Variants in SLC4A4 observed in about 807,000 individuals in gnomAD.
The protein encoded by SLC4A4 is solute carrier family 4 member 4, also known as electrogenic sodium bicarbonate cotransporter 1.
A neutral mutation model predicts 111.5 loss-of-function variants in SLC4A4; 27 were observed. The ratio of observed to expected loss-of-function variants is 0.24; its 90% confidence interval spans 0.18 to 0.33. The LOEUF is 0.33. SLC4A4 is among the 10% of genes least tolerant of loss of function. The pLI is 1.00. For synonymous variants in SLC4A4, 443 were observed against 463.4 expected, an observed-to-expected ratio of 0.96 and a Z score of 0.57; for missense variants, 909 against 1,315.5, an observed-to-expected ratio of 0.69 and a Z score of 4.78.
At chr4:71,183,730 A>C (rs868768189), upstream of SLC4A4, among the ~76,000 whole-genome samples, 11 of 152,370 alleles carry the variant, frequency 7.2e-5, no homozygotes, top group Middle Eastern at 0.014. Flanking sequence ...GCAAACAACT[A>C]CAAGTCCAAA....
At chr4:71,181,549 G>A (rs984596125) in intron 2 of SLC4A4, among the ~76,000 whole-genome samples, 2 of 152,090 alleles carry the variant, frequency 1.3e-5, no homozygotes, top group Non-Finnish European at 2.9e-5. Context: ...GAAGAATGAT[G>A]TCATAAGGAA....
chr4:71,259,492 G>A (rs566201807), intron 3 of SLC4A4, among the ~76,000 whole-genome samples: 73 of 152,038 alleles, frequency 4.8e-4, no homozygotes, highest in African/African-American at 1.6e-3. Context: ...TGAGCCATGG[G>A]GAGAGAGAAG....
At chr4:71,494,712 T>C (rs1418886942) in intron 15 of SLC4A4, among the ~76,000 whole-genome samples, 1 of 151,952 alleles carries the variant, frequency 6.6e-6, no homozygotes, top group East Asian at 1.9e-4. Flanking sequence ...TGAGAACCAC[T>C]TGTAAGGGCT....
intron 3 of SLC4A4, among the ~76,000 whole-genome samples, chr4:71,338,460 G>A (rs1360204410): frequency 6.6e-6 from 1 of 151,926 alleles, no homozygotes; most frequent in African/African-American, 2.4e-5. Flanking sequence ...GTATTTGTGG[G>A]CCTTAAATTT....
At chr4:71,429,785 A>G (rs1026583270) in intron 7 of SLC4A4, among the ~76,000 whole-genome samples, 6 of 152,178 alleles carry the variant, frequency 3.9e-5, no homozygotes, top group Non-Finnish European at 5.9e-5. Flanking sequence ...AATCTATAAG[A>G]AAGGAATGTT....
intron 2 of SLC4A4, among the ~76,000 whole-genome samples, chr4:71,163,513 A>C (rs909745790): frequency 2.0e-5 from 3 of 152,244 alleles, no homozygotes; most frequent in Admixed American, 1.3e-4. Flanking sequence ...GACTTATCTC[A>C]GTCGGCTTCA....
intron 4 of SLC4A4, among the ~76,000 whole-genome samples, chr4:71,340,780 A>G (rs1728845810): frequency 6.6e-6 from 1 of 151,482 alleles, no homozygotes. Context: ...CATATTATAT[A>G]TGTATGGTAT....
At chr4:71,277,426 G>A (rs554059104) in intron 3 of SLC4A4, among the ~76,000 whole-genome samples, 1 of 152,024 alleles carries the variant, frequency 6.6e-6, no homozygotes, top group East Asian at 1.9e-4. Flanking sequence ...TGCCATCTGT[G>A]TATCCTCTTT....
chr4:71,571,833 G>A lies in SLC4A4; in HGVS notation c.*4082G>A, dbSNP rs2149266042. 6.6e-6 allele frequency: 1 copy of A among 152,252 alleles called. No individual in the cohort carries two copies. The highest frequency in any genetic ancestry group is 2.4e-5 in the African/African-American group (1 of 41,480). 9.4% of individuals were successfully genotyped at this position (152,252 alleles called of 1,614,324 possible). A position where few individuals can be genotyped will look rare whatever the true frequency, so the allele number is the denominator to read the frequency against. ...TATTAACTTTGGAGAGAGAAATGATGCATCTTTTTATTTTAAATGAAGTAG... is the reference window on the plus strand; with the variant it reads ...TATTAACTTTGGAGAGAGAAATGATACATCTTTTTATTTTAAATGAAGTAG... On this transcript the variant is annotated 3_prime_UTR_variant, in exon 26 of 26. Transcript: ENST00000264485.
chr4:71,547,687 T>C lies in SLC4A4; in HGVS notation c.2661T>C (p.Thr887=). The change falls in exon 20 of 26, where the codon ACT becomes ACC. Residue 887 remains threonine, a synonymous_variant. Transcript: ENST00000264485. ...CTGGAACCCTTGTGTTTATTCTGACTGGTCTGTCAGTCTTTATGGCTCCCA... is the reference window on the plus strand; with the variant it reads ...CTGGAACCCTTGTGTTTATTCTGACCGGTCTGTCAGTCTTTATGGCTCCCA... ...RVTGTLVFIL[T]GLSVFMAPIL... The C allele has an allele frequency of 1.2e-6, 2 of 1,612,006 alleles. No individual in the cohort carries two copies. Among genetic ancestry groups the C allele is most frequent in the Non-Finnish European group, 1.7e-6 (2 of 1,178,558 alleles).
At chr4:71,237,549 T>C (rs1465707320) in intron 2 of SLC4A4, among the ~76,000 whole-genome samples, 1 of 152,056 alleles carries the variant, frequency 6.6e-6, no homozygotes, top group African/African-American at 2.4e-5. Flanking sequence ...ACCGGTGCCA[T>C]GTGGTAAGCA....
chr4:71,127,323 C>T (rs1346390322), intron 2 of SLC4A4, among the ~76,000 whole-genome samples: 6 of 152,240 alleles, frequency 3.9e-5, no homozygotes, highest in East Asian at 3.9e-4. Context: ...CTTCAAAAAA[C>T]GAAGTCAAAC....
At chr4:71,386,187 G>A (rs1338246643) in intron 6 of SLC4A4, among the ~76,000 whole-genome samples, 1 of 151,718 alleles carries the variant, frequency 6.6e-6, no homozygotes, top group Non-Finnish European at 1.5e-5. Context: ...TCTGTTTCTT[G>A]TAGCTTTTCC....
At chr4:71,151,261 A>G (rs962623762) in intron 2 of SLC4A4, among the ~76,000 whole-genome samples, 1 of 152,180 alleles carries the variant, frequency 6.6e-6, no homozygotes, top group African/African-American at 2.4e-5. Flanking sequence ...TGTTTAACTT[A>G]AACATGTATT....
intron 3 of SLC4A4, among the ~76,000 whole-genome samples, chr4:71,330,715 A>G (rs1234150983): frequency 6.6e-6 from 1 of 152,218 alleles, no homozygotes; most frequent in Non-Finnish European, 1.5e-5. Context: ...AATGGCAACA[A>G]AAGCCAAAAT....
At chr4:71,252,245 G>A (rs1202620503) in intron 2 of SLC4A4, among the ~76,000 whole-genome samples, 1 of 152,118 alleles carries the variant, frequency 6.6e-6, no homozygotes, top group East Asian at 1.9e-4. Context: ...TTTACTTTCG[G>A]TGTTTTGGTT....
In SLC4A4 at chr4:71,188,369, G is replaced by A. The variant is rs545357134; in HGVS notation, c.-2+968G>A. ...CCCTACCTTCTCAGCATAATTGATC[G>A]CAGCAAGCTCTTTCCAACTTGACAC... On this transcript the variant is annotated intron_variant, in intron 1 of 25. Transcript: ENST00000264485. Among the ~76,000 whole-genome samples the A allele has an allele frequency of 5.9e-5, 9 of 151,852 alleles. No homozygotes were observed. In the East Asian group the frequency reaches 1.5e-3, roughly 26 times the overall value.
At chr4:71,500,419 A>C (rs1041671814) in intron 16 of SLC4A4, among the ~76,000 whole-genome samples, 1 of 151,982 alleles carries the variant, frequency 6.6e-6, no homozygotes, top group African/African-American at 2.4e-5. Flanking sequence ...CTTTTCCTTT[A>C]TGTTTTCTTT....
At chr4:71,311,482 A>G (rs1266755617) in intron 3 of SLC4A4, among the ~76,000 whole-genome samples, 1 of 152,084 alleles carries the variant, frequency 6.6e-6, no homozygotes, top group Admixed American at 6.6e-5. Flanking sequence ...AATGGAAATC[A>G]TAACAGTCTC....
Sources: gnomAD v4.1 joint callset for allele counts (sites outside exome capture counted in the v4.1 genomes callset) on GRCh38, gnomAD v4.1.1 for gene constraint, MANE v1.5 for transcripts, NCBI Gene and HGNC (gene_info 2026-07-23, HGNC 2026-07-21) for gene names.